GLI2: variants seen among roughly 807,000 people sequenced by gnomAD.
GLI2 encodes the protein transcription activator GLI2.
A neutral mutation model predicts 78.9 loss-of-function variants in GLI2; 22 were observed. The ratio of observed to expected loss-of-function variants is 0.28; its 90% CI spans 0.20 to 0.40. The LOEUF (loss-of-function observed/expected upper bound fraction) is 0.40. GLI2 is among the 10% of genes least tolerant of loss of function. The pLI is 1.00. For missense variants in GLI2, 2,097 were observed against 2,213.2 expected (o/e 0.95, Z 1.05); for synonymous variants, 974 against 963.7 (o/e 1.01, Z -0.20).
intron 1 of GLI2, among the ~76,000 whole-genome samples, chr2:120,768,261 C>T (rs1039031992): frequency 2.0e-5 from 3 of 152,196 alleles, no homozygotes; most frequent in Admixed American, 6.5e-5. Flanking sequence ...CTGCCCTATG[C>T]GGTGGGCGGA....
chr2:120,820,066 A>G (rs7562959), intron 2 of GLI2, among the ~76,000 whole-genome samples: 16,188 of 151,868 alleles, frequency 0.11, 982 homozygotes, highest in African/African-American at 0.15. Flanking sequence ...GCTGGAGGAA[A>G]CCTCCAGCAG....
At chr2:120,939,678 G>A (rs1442201716) in intron 3 of GLI2, among the ~76,000 whole-genome samples, 1 of 152,176 alleles carries the variant, frequency 6.6e-6, no homozygotes, top group Non-Finnish European at 1.5e-5. Flanking sequence ...ATGTTGACTG[G>A]CATTTGGGAT....
intron 2 of GLI2, among the ~76,000 whole-genome samples, chr2:120,902,974 C>T (rs1678339929): frequency 6.6e-6 from 1 of 152,094 alleles, no homozygotes; most frequent in Non-Finnish European, 1.5e-5. Flanking sequence ...ATGGTATGAG[C>T]TGAGGCAGGA....
chr2:120,752,235 C>G (rs1303246234), intron 1 of GLI2, among the ~76,000 whole-genome samples: 1 of 149,994 alleles, frequency 6.7e-6, no homozygotes, highest in Non-Finnish European at 1.5e-5. Flanking sequence ...GTGTGTAGAT[C>G]ATCTTCATTC....
chr2:120,914,712 A>G (rs543608860), intron 2 of GLI2, among the ~76,000 whole-genome samples: 1 of 152,292 alleles, frequency 6.6e-6, no homozygotes, highest in African/African-American at 2.4e-5. Context: ...AGGGATGGCC[A>G]CACCGGCACC....
chr2:120,923,249 A>G (rs56713030), intron 2 of GLI2, among the ~76,000 whole-genome samples: 33 of 17,544 alleles, frequency 1.9e-3, no homozygotes, highest in South Asian at 0.011. Context: ...CACACACACA[A>G]CAGCACACAC....
intron 2 of GLI2, among the ~76,000 whole-genome samples, chr2:120,852,778 G>A (rs935967945): frequency 5.3e-5 from 8 of 152,178 alleles, no homozygotes; most frequent in Admixed American, 2.0e-4. Flanking sequence ...TGAGCACCCC[G>A]TATGCCTTGG....
Position 120,789,029 on chromosome 2 carries a change from C to CTTTT in GLI2, c.-30-8259_-30-8258insTTTT, listed in dbSNP as rs765758623. ...AATCTGGCTTATCACTTATTTCTTT[C>CTTTT]TTTCTTTTTTTTTTTTTTTTTGAGA... On this transcript the variant is annotated intron_variant, in intron 1 of 13. Coordinates refer to ENST00000361492, the MANE Select transcript of GLI2 (RefSeq NM_001374353.1). 1.9e-3 allele frequency among the ~76,000 whole-genome samples: 260 copies of CTTTT among 135,442 alleles called. 3 individuals are homozygous for CTTTT. The highest frequency in any genetic ancestry group is 5.5e-3 in the African/African-American group (173 of 31,542). 88.9% of individuals were successfully genotyped at this position (135,442 alleles called of 152,430 possible).
intron 3 of GLI2, among the ~76,000 whole-genome samples, chr2:120,931,195 T>G (rs1308590815): frequency 6.6e-6 from 1 of 152,268 alleles, no homozygotes; most frequent in Non-Finnish European, 1.5e-5. Flanking sequence ...TTGGCAGGGC[T>G]GGTTCCTTCT....
At chr2:120,931,324 C>T (rs1395643901) in intron 3 of GLI2, among the ~76,000 whole-genome samples, 1 of 152,216 alleles carries the variant, frequency 6.6e-6, no homozygotes, top group African/African-American at 2.4e-5. Context: ...CCTCACCTTG[C>T]CCTCTTCCTA....
chr2:120,785,196 C>T lies in GLI2; in HGVS notation c.-30-12095C>T, dbSNP rs569407851. 2.9e-4 allele frequency among the ~76,000 whole-genome samples: 44 copies of T among 152,160 alleles called. No individual in the cohort carries two copies. The South Asian group carries it at 9.2e-3, about 32-fold the overall frequency. Reference sequence around the variant, plus strand: ...GGGAGGGTGGCTGAGGGCATGTGGCCTCCTGGGCATGCAGAGGAAGGCCAG... The same window carrying T: ...GGGAGGGTGGCTGAGGGCATGTGGCTTCCTGGGCATGCAGAGGAAGGCCAG... On this transcript the variant is annotated intron_variant, in intron 1 of 13. Coordinates refer to ENST00000361492, the MANE Select transcript of GLI2 (RefSeq NM_001374353.1).
rs1682402893 is a variant in GLI2 at position 120,737,423 on chromosome 2, G to A, written c.-31+1138G>A. Among the ~76,000 whole-genome samples the A allele has an allele frequency of 6.6e-6, 1 of 152,192 alleles. No individual in the cohort carries two copies. Among genetic ancestry groups the A allele is most frequent in the Admixed American group, 6.5e-5 (1 of 15,284 alleles). On this transcript the variant is annotated intron_variant, in intron 1 of 13. Transcript: ENST00000361492. The surrounding 1 kb of genome is among the most constrained non-coding windows in gnomAD (Gnocchi z 4.3). ...TCGGGGACCTCGAGCCCCCCCGAGG[G>A]TGCCTCTTTCCACTACCTTCTCTTT...
At chr2:120,792,463 G>C (rs1350135453) in intron 1 of GLI2, 1 of 152,260 alleles carries the variant, frequency 6.6e-6, no homozygotes. Context: ...CTAATGAATG[G>C]CTAGCATAAG....
chr2:120,986,269 C>T lies in GLI2; in HGVS notation c.1906-9C>T. Reference sequence around the variant, plus strand: ...CTGAGTCTGAGCCTTCTTGCCTCGTCCCCTGCAGCTGTGTCAGTCCAGCCC... The same window carrying T: ...CTGAGTCTGAGCCTTCTTGCCTCGTTCCCTGCAGCTGTGTCAGTCCAGCCC... On this transcript the variant is annotated splice_polypyrimidine_tract_variant and intron_variant, in intron 12 of 13. Coordinates refer to ENST00000361492, the MANE Select transcript of GLI2 (RefSeq NM_001374353.1). The T allele has an allele frequency of 1.9e-6, 3 of 1,611,916 alleles. No individual in the cohort carries two copies. The East Asian group carries it at 6.7e-5, about 36-fold the overall frequency.
At chr2:120,887,100 C>T (rs541121979) in intron 2 of GLI2, among the ~76,000 whole-genome samples, 69 of 152,280 alleles carry the variant, frequency 4.5e-4, no homozygotes, top group African/African-American at 1.4e-3. Context: ...ACACCTCAGA[C>T]GCTGGCCCCC....
rs376694469 is a variant in GLI2, at chr2:120,970,646, A to T, written c.1059+40A>T. ...GGGCCAGGATGGCCACTGGGTACTCATCTGGACACATGAGGGTTGTTCACT... is the reference window on the plus strand; with the variant it reads ...GGGCCAGGATGGCCACTGGGTACTCTTCTGGACACATGAGGGTTGTTCACT... On this transcript the variant is annotated intron_variant, in intron 7 of 13. Coordinates refer to ENST00000361492, the MANE Select transcript of GLI2 (RefSeq NM_001374353.1). The T allele has an allele frequency of 5.3e-4, 787 of 1,480,232 alleles. 2 individuals carry two copies. The highest frequency in any genetic ancestry group is 6.9e-4 in the Non-Finnish European group (733 of 1,059,520). 91.7% of individuals were successfully genotyped at this position (1,480,232 alleles called of 1,614,324 possible).
intron 2 of GLI2, among the ~76,000 whole-genome samples, chr2:120,804,556 G>T (rs907311673): frequency 6.7e-6 from 1 of 150,016 alleles, no homozygotes; most frequent in African/African-American, 2.5e-5. Context: ...GAGTTTCTCT[G>T]CTGGGGCCAC....
At chr2:120,862,365 C>A (rs1687940354) in intron 2 of GLI2, among the ~76,000 whole-genome samples, 1 of 152,198 alleles carries the variant, frequency 6.6e-6, no homozygotes, top group Admixed American at 6.5e-5. Flanking sequence ...TGCTGTGTGC[C>A]AGGCATTGCA....
At chr2:120,977,523 A>G (rs3106967) in intron 9 of GLI2, among the ~76,000 whole-genome samples, 150,512 of 152,106 alleles carry the variant, frequency 0.99, 74,490 homozygotes, top group Middle Eastern at 1. Flanking sequence ...TCACTGCATT[A>G]GACAGTGTGG....
Sources: allele counts gnomAD v4.1 joint callset (sites outside exome capture counted in the v4.1 genomes callset), GRCh38; gene constraint gnomAD v4.1.1; non-coding constraint Gnocchi (gnomAD v3.1); transcripts MANE v1.5; gene names NCBI Gene and HGNC (gene_info 2026-07-23, HGNC 2026-07-21).